The following CWC27 variants were observed in gnomAD, a reference collection of about 807,000 sequenced individuals.
CWC27 encodes spliceosome-associated protein CWC27 homolog.
A neutral mutation model predicts 63.6 loss-of-function variants in CWC27; 47 were observed. That is an observed-to-expected ratio of 0.74 (90% confidence interval 0.58 to 0.94). The LOEUF (loss-of-function observed/expected upper bound fraction) is 0.94. Ranked by LOEUF, CWC27 falls within the 40% of genes least tolerant of loss-of-function variation. The pLI is 0.00. For missense variants in CWC27, 495 were observed against 554.3 expected, an observed-to-expected ratio of 0.89 and a Z score of 1.07; for synonymous variants, 175 against 179.8, an observed-to-expected ratio of 0.97 and a Z score of 0.22.
At chr5:64,904,192 A>G (rs1191665060) in intron 11 of CWC27, among the ~76,000 whole-genome samples, 5 of 152,134 alleles carry the variant, frequency 3.3e-5, no homozygotes, top group Non-Finnish European at 7.3e-5. Context: ...AACCATTTAC[A>G]TATTTTAGGT....
intron 13 of CWC27, among the ~76,000 whole-genome samples, chr5:65,011,409 AC>A (rs753126675): frequency 2.0e-5 from 3 of 152,172 alleles, no homozygotes; most frequent in Non-Finnish European, 4.4e-5. Flanking sequence ...GGAATCAGGA[AC>A]CATTTCTAAG....
At chr5:64,821,342 A>G (rs1400812853) in intron 10 of CWC27, among the ~76,000 whole-genome samples, 2 of 152,146 alleles carry the variant, frequency 1.3e-5, no homozygotes, top group Non-Finnish European at 2.9e-5. Flanking sequence ...CCCGGCCAAC[A>G]AAGTAATTTT....
chr5:64,817,417 AAAC>A (rs973938985), intron 10 of CWC27, among the ~76,000 whole-genome samples: 26 of 152,128 alleles, frequency 1.7e-4, no homozygotes, highest in Middle Eastern at 3.4e-3. Context: ...TACTCCTCTA[AAAC>A]AACAACAACA....
rs114383884 is a variant in CWC27 at position 64,821,839 on chromosome 5, C to T, written c.938+17453C>T. Among the ~76,000 whole-genome samples, 182 of 152,224 alleles carry T rather than the reference C, an allele frequency of 1.2e-3. 3 individuals carry two copies. Among genetic ancestry groups the T allele is most frequent in the African/African-American group, 4.3e-3 (177 of 41,540 alleles). ...CCTTGACTTAACTGCCATATTATAC[C>T]TCCGTTGAGATGAGGGTTAAGGAAT... On this transcript the variant is annotated intron_variant, in intron 10 of 13. Coordinates refer to ENST00000381070, the MANE Select transcript of CWC27 (RefSeq NM_005869.4).
intron 13 of CWC27, among the ~76,000 whole-genome samples, chr5:64,998,578 G>T (rs1749678587): frequency 6.6e-6 from 1 of 152,020 alleles, no homozygotes; most frequent in Admixed American, 6.6e-5. Flanking sequence ...TTTTAACTAA[G>T]GGATACAAAA....
intron 11 of CWC27, among the ~76,000 whole-genome samples, chr5:64,935,468 G>A (rs912060808): frequency 3.9e-5 from 6 of 152,178 alleles, no homozygotes; most frequent in Non-Finnish European, 5.9e-5. Context: ...CTGTATGTCT[G>A]TTTTGGTACC....
chr5:65,017,648 C>A (rs1197336040), intron 13 of CWC27, among the ~76,000 whole-genome samples: 1 of 152,182 alleles, frequency 6.6e-6, no homozygotes, highest in Non-Finnish European at 1.5e-5. Context: ...CCAGCAAATT[C>A]CCCAGGAAAG....
At position 65,018,458 on chromosome 5, in the gene CWC27, T is replaced by A; in HGVS notation, c.*137T>A. 1 of 750,420 alleles carries A rather than the reference T, an allele frequency of 1.3e-6. No homozygotes were observed. The highest frequency in any genetic ancestry group is 2.0e-6 in the Non-Finnish European group (1 of 497,632). 46.5% of individuals were successfully genotyped at this position (750,420 alleles called of 1,614,324 possible). On this transcript the variant is annotated 3_prime_UTR_variant, in exon 14 of 14. Coordinates refer to ENST00000381070, the MANE Select transcript of CWC27 (RefSeq NM_005869.4). ...CTGTTGTCTGGTTTTGAAAAACAAT[T>A]ATCTTGTTTTGCAAATTGTGGAATG...
chr5:64,850,150 G>C (rs188251971), intron 10 of CWC27, among the ~76,000 whole-genome samples: 1 of 148,096 alleles, frequency 6.8e-6, no homozygotes, highest in African/African-American at 2.5e-5. Context: ...TAAGCTGGAG[G>C]TATCATACTA....
intron 1 of CWC27, 54 bp downstream of exon 1, chr5:64,769,242 C>A (rs923168895): frequency 1.2e-5 from 18 of 1,555,532 alleles, no homozygotes; most frequent in Non-Finnish European, 1.6e-5. Flanking sequence ...AGTGAGATTT[C>A]CCGGATTTGG....
chr5:64,907,583 C>T (rs1561151682), intron 11 of CWC27, among the ~76,000 whole-genome samples: 1 of 152,102 alleles, frequency 6.6e-6, no homozygotes, highest in Non-Finnish European at 1.5e-5. Context: ...TGGGGTTTTC[C>T]AAATACACAA....
intron 7 of CWC27, among the ~76,000 whole-genome samples, chr5:64,790,202 G>T (rs961918383): frequency 6.6e-6 from 1 of 152,048 alleles, no homozygotes; most frequent in African/African-American, 2.4e-5. Context: ...AGGAGATAAG[G>T]CCAAATATTT....
At chr5:64,874,445 T>G (rs184569105) in intron 10 of CWC27, among the ~76,000 whole-genome samples, 17 of 151,958 alleles carry the variant, frequency 1.1e-4, no homozygotes, top group Admixed American at 2.6e-4. Flanking sequence ...ATTACAGGCA[T>G]GAGCCACCGT....
At position 64,805,524 on chromosome 5, in the gene CWC27, A is replaced by C. The variant is rs28662843; in HGVS notation, c.938+1138A>C. On this transcript the variant is annotated intron_variant, in intron 10 of 13. Transcript: ENST00000381070. ...GGATACATAATGTTTTATTCCTCTC[A>C]TTCAAGGCATGTGTTTTCTGATTTT... Among the ~76,000 whole-genome samples, 1,463 of 151,934 alleles carry C rather than the reference A, an allele frequency of 9.6e-3. 28 individuals are homozygous for C. Among genetic ancestry groups the C allele is most frequent in the African/African-American group, 0.034 (1,413 of 41,512 alleles).
chr5:64,869,089 T>C (rs956045295), intron 10 of CWC27, among the ~76,000 whole-genome samples: 6 of 152,074 alleles, frequency 3.9e-5, no homozygotes, highest in African/African-American at 9.7e-5. Context: ...ACTTTATCAA[T>C]TACAATTTTT....
At chr5:64,943,372 A>T (rs561972840) in intron 11 of CWC27, among the ~76,000 whole-genome samples, 1 of 152,254 alleles carries the variant, frequency 6.6e-6, no homozygotes, top group East Asian at 1.9e-4. Flanking sequence ...GCTGCTTTTT[A>T]TACAGTATGC....
chr5:64,790,093 G>A (rs1226461552), intron 7 of CWC27, among the ~76,000 whole-genome samples: 4 of 151,930 alleles, frequency 2.6e-5, no homozygotes, highest in African/African-American at 4.8e-5. Flanking sequence ...GAAATATTTT[G>A]GTCATAACTT....
At chr5:64,809,784 A>G (rs1744811903) in intron 10 of CWC27, among the ~76,000 whole-genome samples, 1 of 152,086 alleles carries the variant, frequency 6.6e-6, no homozygotes, top group South Asian at 2.1e-4. Flanking sequence ...TTCCTTATAT[A>G]TTTTGTATAT....
At chr5:64,921,830 G>A (rs1018950300) in intron 11 of CWC27, among the ~76,000 whole-genome samples, 18 of 152,290 alleles carry the variant, frequency 1.2e-4, no homozygotes, top group Non-Finnish European at 2.1e-4. Flanking sequence ...CTCCCTTTGG[G>A]ACCTCTTGTA....
Sources: gnomAD v4.1 joint callset for allele counts (sites outside exome capture counted in the v4.1 genomes callset) on GRCh38, gnomAD v4.1.1 for gene constraint, MANE v1.5 for transcripts, NCBI Gene and HGNC (gene_info 2026-07-23, HGNC 2026-07-21) for gene names.